CELSR1: variants seen among roughly 807,000 people sequenced by gnomAD.
CELSR1 encodes the protein cadherin EGF LAG seven-pass G-type receptor 1.
Under a neutral mutation model 249.1 loss-of-function variants are expected in CELSR1, and 110 were observed. The ratio of observed to expected loss-of-function variants is 0.44; its 90% CI spans 0.38 to 0.52. The LOEUF is 0.52. Ranked by LOEUF, CELSR1 falls within the 20% of genes least tolerant of loss-of-function variation. CELSR1 has a pLI of 0.00. For missense variants in CELSR1, 4,109 were observed against 4,296.4 expected (o/e 0.96, Z 1.22); for synonymous variants, 2,113 against 1,900.0 (o/e 1.11, Z -2.92).
At position 46,363,221 on chromosome 22, in the gene CELSR1, G is replaced by A; in HGVS notation, c.*2C>T. ...TCAAATTGAAGTTTCATTACTGATG[G>A]TTCAAATTGAAGTTTCATTACTGCC... On this transcript the variant is annotated 3_prime_UTR_variant, in exon 35 of 35. Coordinates refer to ENST00000674500, the MANE Select transcript of CELSR1 (RefSeq NM_001378328.1). The surrounding 1 kb of genome is among the most constrained non-coding windows in gnomAD (Gnocchi z 4.3). The A allele has an allele frequency of 6.3e-7, 1 of 1,585,482 alleles. No individual in the cohort carries two copies. Among genetic ancestry groups the A allele is most frequent in the Non-Finnish European group, 8.5e-7 (1 of 1,177,722 alleles).
chr22:46,378,542 G>A (rs1275694566), intron 23 of CELSR1, 49 bp downstream of exon 23: 2 of 1,528,102 alleles, frequency 1.3e-6, no homozygotes, highest in Non-Finnish European at 1.8e-6. Context: ...GGGAGGGGCA[G>A]GTTTGGCGGT....
intron 29 of CELSR1, 57 bp from the exon 30 acceptor site, chr22:46,366,537 C>T (rs919130307): frequency 1.9e-5 from 25 of 1,338,308 alleles, no homozygotes; most frequent in Non-Finnish European, 2.5e-5. Context: ...ATGACCACCA[C>T]GGGGAATGAC....
chr22:46,508,565 C>T (rs1468387364), intron 1 of CELSR1, among the ~76,000 whole-genome samples: 1 of 151,916 alleles, frequency 6.6e-6, no homozygotes, highest in African/African-American at 2.4e-5. Flanking sequence ...TGCCAAATTC[C>T]AGCTGTCCCT....
chr22:46,535,284 G>C lies in CELSR1; in HGVS notation c.1887C>G (p.Pro629=), dbSNP rs761060925. Residue 629 remains proline (P), a synonymous_variant, in exon 1 of 35, where the codon CCC becomes CCG. Transcript: ENST00000674500. Reference sequence around the variant, plus strand: ...AACCGGAGCTGTTGTGGATCTGGAAGGGGAAGTCAGGGGTGGGGGCAGGAT... The same window carrying C: ...AACCGGAGCTGTTGTGGATCTGGAACGGGAAGTCAGGGGTGGGGGCAGGAT... ...PKNPAPTPDF[P]FQIHNSSGWI... 1.9e-6 allele frequency: 3 copies of C among 1,610,968 alleles called. No homozygotes were observed. In the South Asian group the frequency reaches 3.3e-5, roughly 18 times the overall value.
chr22:46,491,823 G>A (rs1347161511), intron 1 of CELSR1, among the ~76,000 whole-genome samples: 1 of 151,916 alleles, frequency 6.6e-6, no homozygotes, highest in Middle Eastern at 3.2e-3. Flanking sequence ...TTTTAGTAGA[G>A]ACGGGGTTTC....
At chr22:46,475,783 T>G (rs1464297560) in intron 1 of CELSR1, among the ~76,000 whole-genome samples, 1 of 152,180 alleles carries the variant, frequency 6.6e-6, no homozygotes, top group African/African-American at 2.4e-5. Context: ...TATTAAGAAA[T>G]GTTCTCTCCT....
intron 23 of CELSR1, 142 bp from the exon 24 acceptor site, chr22:46,377,403 G>A (rs1408455744): frequency 1.1e-6 from 1 of 895,898 alleles, no homozygotes. Context: ...GAGGCCGAGT[G>A]CTCATGGCTC....
In CELSR1 at chr22:46,363,977, G is replaced by A; in HGVS notation, c.9035+19C>T. On this transcript the variant is annotated intron_variant, in intron 34 of 34. Coordinates refer to ENST00000674500, the MANE Select transcript of CELSR1 (RefSeq NM_001378328.1). This position sits in a 1 kb window ranked among gnomAD's most constrained non-coding sequence, Gnocchi z 4.3. ...GGGGGAAGTGGGTGATCCCCGCCCT[G>A]GAGGCCCAGGCTACTCACTCAGAGT... The A allele has an allele frequency of 6.4e-7, 1 of 1,574,030 alleles. No homozygotes were observed. Among genetic ancestry groups the A allele is most frequent in the South Asian group, 1.1e-5 (1 of 87,608 alleles).
rs1291083829 is a variant in CELSR1, at chr22:46,537,559, G to T, written c.-389C>A. ...GGGGCGGGGGCTGAGTTCCCGGAGC[G>T]GGCTGGGCAGCTCCGCGCCGCGCAG... On this transcript the variant is annotated 5_prime_UTR_variant, in exon 1 of 35. Transcript: ENST00000674500. The surrounding 1 kb of genome is among the most constrained non-coding windows in gnomAD (Gnocchi z 5.8). Among the ~76,000 whole-genome samples, 3 of 147,318 alleles carry T rather than the reference G, an allele frequency of 2.0e-5. No homozygotes were observed. The highest frequency in any genetic ancestry group is 2.0e-4 in the Admixed American group (3 of 14,836).
chr22:46,455,084 C>T (rs1055353632), intron 2 of CELSR1, among the ~76,000 whole-genome samples: 2 of 152,170 alleles, frequency 1.3e-5, no homozygotes, highest in African/African-American at 4.8e-5. Context: ...TGCAGTGATG[C>T]ATCCGTGAGT....
chr22:46,417,599 A>C lies in CELSR1; in HGVS notation c.4612-5840T>G, dbSNP rs561991180. ...CGGGTGGGGAGGGCAGCTCCACACT[A>C]TCCCAGGTTGTAAGGGGAACTCAAG... On this transcript the variant is annotated intron_variant, in intron 5 of 34. Transcript: ENST00000674500. The surrounding 1 kb of genome is among the most constrained non-coding windows in gnomAD (Gnocchi z 4.1). 1.3e-5 allele frequency among the ~76,000 whole-genome samples: 2 copies of C among 152,266 alleles called. No individual in the cohort carries two copies. Among genetic ancestry groups the C allele is most frequent in the East Asian group, 3.9e-4 (2 of 5,182 alleles).
At chr22:46,379,298 T>A (rs2017222) in intron 22 of CELSR1, among the ~76,000 whole-genome samples, 1 of 152,208 alleles carries the variant, frequency 6.6e-6, no homozygotes, top group Non-Finnish European at 1.5e-5. Flanking sequence ...CAAGGTGTTA[T>A]AAGGTGTGTC....
At chr22:46,522,386 T>C (rs1602238391) in intron 1 of CELSR1, among the ~76,000 whole-genome samples, 1 of 152,230 alleles carries the variant, frequency 6.6e-6, no homozygotes, top group East Asian at 1.9e-4. Context: ...GCCAGGATTA[T>C]AGGCTGGAGC....
In CELSR1 at chr22:46,534,983, G is replaced by C. The variant is rs990837498; in HGVS notation, c.2188C>G (p.Arg730Gly). ...TGGCTGCTGAGTGCAAAGCGGTTCCGGGTGTTGCCGCCTGTGAGCTGGTAG... is the reference window on the plus strand; with the variant it reads ...TGGCTGCTGAGTGCAAAGCGGTTCCCGGTGTTGCCGCCTGTGAGCTGGTAG... ...ITYQLTGGNT[R>G]NRFALSSQRG... The change falls in exon 1 of 35, where the codon CGG (arginine) becomes GGG (glycine). Residue 730 changes from arginine (R) to glycine (G), a missense_variant. By Grantham distance (125) the Arg-to-Gly change is moderately radical (BLOSUM62 -2). Transcript: ENST00000674500. This position sits in a 1 kb window ranked among gnomAD's most constrained non-coding sequence, Gnocchi z 9.7. 6.2e-7 allele frequency: 1 copy of C among 1,611,942 alleles called. No individual in the cohort carries two copies. Among genetic ancestry groups the C allele is most frequent in the African/African-American group, 1.3e-5 (1 of 74,900 alleles).
rs2080746448 is a variant in CELSR1, at chr22:46,527,175, G to A, written c.3544+6452C>T. ...TGGCGGCTGGAAAACTGCAAGCGAT[G>A]GGGCCTGCAGAGCCTGGGAGGGTTC... On this transcript the variant is annotated intron_variant, in intron 1 of 34. Transcript: ENST00000674500. This position sits in a 1 kb window ranked among gnomAD's most constrained non-coding sequence, Gnocchi z 5.5. 6.6e-6 allele frequency among the ~76,000 whole-genome samples: 1 copy of A among 152,156 alleles called. No individual in the cohort carries two copies. The highest frequency in any genetic ancestry group is 2.4e-5 in the African/African-American group (1 of 41,430).
intron 1 of CELSR1, among the ~76,000 whole-genome samples, chr22:46,479,448 C>T (rs551007127): frequency 2.0e-5 from 3 of 152,206 alleles, no homozygotes; most frequent in Non-Finnish European, 4.4e-5. Context: ...AAGCAGATGC[C>T]TCGTCTTTGG....
intron 5 of CELSR1, among the ~76,000 whole-genome samples, chr22:46,421,429 A>G (rs2079471226): frequency 6.6e-6 from 1 of 152,170 alleles, no homozygotes; most frequent in African/African-American, 2.4e-5. Context: ...TTTCCATAAC[A>G]GGGTTCTGTA....
intron 13 of CELSR1, among the ~76,000 whole-genome samples, chr22:46,394,776 C>T (rs996872333): frequency 7.9e-5 from 12 of 152,330 alleles, no homozygotes; most frequent in Middle Eastern, 3.4e-3. Flanking sequence ...CCCCTTAGGA[C>T]GGCGGCATGC....
Position 46,367,741 on chromosome 22 carries a change from G to A in CELSR1, c.8067C>T (p.Phe2689=). The change falls in exon 28 of 35, where the codon TTC becomes TTT. Residue 2689 remains phenylalanine (F), a synonymous_variant. Coordinates refer to ENST00000674500, the MANE Select transcript of CELSR1 (RefSeq NM_001378328.1). ...GGCCGTCACCTACCTGTAAGCCGCT[G>A]AAGATGGCGAAGAGGTAGTGAAAGC... ...ALSFHYLFAI[F]SGLQGPFVLL... 6.2e-7 allele frequency: 1 copy of A among 1,601,896 alleles called. No homozygotes were observed. The highest frequency in any genetic ancestry group is 8.5e-7 in the Non-Finnish European group (1 of 1,175,500).
Sources: gnomAD v4.1 joint callset for allele counts (sites outside exome capture counted in the v4.1 genomes callset) on GRCh38, gnomAD v4.1.1 for gene constraint, Gnocchi (gnomAD v3.1) non-coding constraint, MANE v1.5 for transcripts, NCBI Gene and HGNC (gene_info 2026-07-23, HGNC 2026-07-21) for gene names.